Variants in CACNA2D3 observed in about 807,000 individuals in gnomAD.
CACNA2D3 encodes voltage-dependent calcium channel subunit alpha-2/delta-3.
CACNA2D3 carries 60 observed loss-of-function variants against 160.6 expected under a neutral mutation model. The observed-to-expected ratio is 0.37, with a 90% CI of 0.30 to 0.46. The LOEUF (loss-of-function observed/expected upper bound fraction) is 0.46. Ranked by LOEUF, CACNA2D3 falls within the 20% of genes least tolerant of loss-of-function variation. The probability of loss-of-function intolerance (pLI) is 1.00; values close to 1 mark genes in which losing one functional copy is unlikely to be tolerated. For synonymous variants in CACNA2D3, 558 were observed against 492.9 expected (o/e 1.13, Z -1.75); for missense variants, 1,205 against 1,365.0 (o/e 0.88, Z 1.85).
chr3:55,005,352 A>T (rs184903846), intron 32 of CACNA2D3, among the ~76,000 whole-genome samples: 9 of 152,312 alleles, frequency 5.9e-5, no homozygotes, highest in Admixed American at 3.3e-4. Context: ...CAGTAATTAT[A>T]TGAATGAGAA....
intron 5 of CACNA2D3, among the ~76,000 whole-genome samples, chr3:54,542,228 A>G (rs942906510): frequency 2.0e-5 from 3 of 151,700 alleles, no homozygotes; most frequent in Non-Finnish European, 2.9e-5. Context: ...CGCCCAGCTC[A>G]TTTTTATATT....
chr3:54,927,692 T>C (rs1415229618), intron 27 of CACNA2D3, among the ~76,000 whole-genome samples: 4 of 152,192 alleles, frequency 2.6e-5, no homozygotes, highest in African/African-American at 9.7e-5. Flanking sequence ...CAACTACATA[T>C]TCATGTCATG....
At chr3:54,708,471 G>T (rs1382726241) in intron 11 of CACNA2D3, among the ~76,000 whole-genome samples, 3 of 152,180 alleles carry the variant, frequency 2.0e-5, no homozygotes, top group Non-Finnish European at 4.4e-5. Context: ...GGATGGAGTT[G>T]AACAGGATCC....
intron 18 of CACNA2D3, chr3:54,875,317 A>G (rs1699634673): frequency 6.6e-6 from 1 of 152,182 alleles, no homozygotes; most frequent in Non-Finnish European, 1.5e-5. Flanking sequence ...TCCATGCTCA[A>G]GTCTGTTTTC....
At chr3:54,770,041 C>A (rs1559576118) in intron 13 of CACNA2D3, among the ~76,000 whole-genome samples, 1 of 152,148 alleles carries the variant, frequency 6.6e-6, no homozygotes, top group Admixed American at 6.5e-5. Flanking sequence ...AAGGGAAATA[C>A]GGTAGCAGCC....
intron 2 of CACNA2D3, among the ~76,000 whole-genome samples, chr3:54,264,244 T>C (rs1020720687): frequency 6.6e-6 from 1 of 152,206 alleles, no homozygotes; most frequent in Non-Finnish European, 1.5e-5. Context: ...TTCCTGTCCT[T>C]GTATCACTTC....
intron 11 of CACNA2D3, among the ~76,000 whole-genome samples, chr3:54,747,545 C>CACTAG (rs1553823330): frequency 2.6e-5 from 4 of 152,108 alleles, no homozygotes; most frequent in African/African-American, 9.7e-5. Flanking sequence ...CATTATGTAT[C>CACTAG]AGCTCATGTC....
intron 35 of CACNA2D3, among the ~76,000 whole-genome samples, chr3:55,066,715 T>C (rs996087954): frequency 6.6e-6 from 1 of 152,220 alleles, no homozygotes; most frequent in African/African-American, 2.4e-5. Context: ...GTTCTGGCAA[T>C]GGACACATCA....
Position 55,017,761 on chromosome 3 carries a change from C to T in CACNA2D3, c.2876-445C>T, listed in dbSNP as rs368971583. On this transcript the variant is annotated intron_variant, in intron 34 of 37. Coordinates refer to ENST00000474759, the MANE Select transcript of CACNA2D3 (RefSeq NM_018398.3). ...TTGGTTCATGGCTGTGCTTCAAAGA[C>T]ATTACGTATTTTACTATTTCATATT... Among the ~76,000 whole-genome samples the T allele has an allele frequency of 3.2e-4, 49 of 152,310 alleles. No individual in the cohort carries two copies. The East Asian group carries it at 7.1e-3, about 22-fold the overall frequency.
chr3:54,145,510 C>T (rs74663662), intron 2 of CACNA2D3, among the ~76,000 whole-genome samples: 3,977 of 152,288 alleles, frequency 0.026, 247 homozygotes, highest in East Asian at 0.2. Flanking sequence ...ACTAAGATGT[C>T]TAAGAAAGAA....
rs79755549 is a variant in CACNA2D3 at position 55,022,091 on chromosome 3, C to T, written c.2987+3774C>T. On this transcript the variant is annotated intron_variant, in intron 35 of 37. Transcript: ENST00000474759. Reference sequence around the variant, plus strand: ...GTTAATCTCTCACCAGGCTTATGGACGTTTTTGTGCCATTCAATTCATTTT... The same window carrying T: ...GTTAATCTCTCACCAGGCTTATGGATGTTTTTGTGCCATTCAATTCATTTT... Among the ~76,000 whole-genome samples the T allele has an allele frequency of 3.9e-3, 589 of 152,126 alleles. 2 individuals are homozygous for T. Among genetic ancestry groups the T allele is most frequent in the Middle Eastern group, 0.014 (4 of 294 alleles).
At chr3:54,535,772 A>G (rs1701879704) in intron 5 of CACNA2D3, among the ~76,000 whole-genome samples, 1 of 152,226 alleles carries the variant, frequency 6.6e-6, no homozygotes, top group South Asian at 2.1e-4. Flanking sequence ...AGTTCACATC[A>G]GGACATATTG....
intron 11 of CACNA2D3, among the ~76,000 whole-genome samples, chr3:54,725,530 C>T (rs1575442978): frequency 1.3e-5 from 2 of 152,134 alleles, no homozygotes; most frequent in South Asian, 2.1e-4. Flanking sequence ...AACTGGCAAA[C>T]CAAATCTAGC....
intron 27 of CACNA2D3, among the ~76,000 whole-genome samples, chr3:54,929,604 C>T (rs777630063): frequency 2.0e-5 from 3 of 151,298 alleles, no homozygotes; most frequent in Non-Finnish European, 4.4e-5. Flanking sequence ...CCACTTTACG[C>T]AACCTGCCAT....
intron 3 of CACNA2D3, among the ~76,000 whole-genome samples, chr3:54,372,271 G>T (rs1032862648): frequency 1.2e-4 from 18 of 152,182 alleles, no homozygotes; most frequent in Admixed American, 6.5e-5. Flanking sequence ...TCACAAAGTG[G>T]CGTTTTTGTT....
At chr3:54,859,972 G>GCGCACA (rs535185040) in intron 17 of CACNA2D3, among the ~76,000 whole-genome samples, 93 of 133,884 alleles carry the variant, frequency 6.9e-4, no homozygotes, top group Middle Eastern at 3.8e-3. Context: ...GAAAGTAGAT[G>GCGCACA]CACACACACA....
chr3:54,739,794 T>TGTGTGTGG, intron 11 of CACNA2D3, among the ~76,000 whole-genome samples: 1 of 146,430 alleles, frequency 6.8e-6, no homozygotes, highest in Admixed American at 6.8e-5. Context: ...TGTGTGTGTG[T>TGTGTGTGG]GGAATTATAT....
intron 6 of CACNA2D3, among the ~76,000 whole-genome samples, chr3:54,563,870 C>T (rs756965742): frequency 2.6e-5 from 4 of 152,178 alleles, no homozygotes; most frequent in African/African-American, 4.8e-5. Context: ...AGCATCTGAC[C>T]CTCGAGAATT....
At chr3:54,154,627 G>A (rs1700210411) in intron 2 of CACNA2D3, among the ~76,000 whole-genome samples, 1 of 152,000 alleles carries the variant, frequency 6.6e-6, no homozygotes, top group Non-Finnish European at 1.5e-5. Flanking sequence ...AGGCATCAGT[G>A]TCTCAGCACC....
Sources: allele counts gnomAD v4.1 joint callset (sites outside exome capture counted in the v4.1 genomes callset), GRCh38; gene constraint gnomAD v4.1.1; transcripts MANE v1.5; gene names NCBI Gene and HGNC (gene_info 2026-07-23, HGNC 2026-07-21).